PDE4B: variants seen among roughly 807,000 people sequenced by gnomAD.
PDE4B encodes the protein 3',5'-cyclic-AMP phosphodiesterase 4B.
A neutral mutation model predicts 82.2 loss-of-function variants in PDE4B; 20 were observed. The ratio of observed to expected loss-of-function variants is 0.24; its 90% confidence interval spans 0.17 to 0.35. The LOEUF is 0.35. Among genes scored for constraint, PDE4B ranks in the 10% least tolerant of loss-of-function variants. The pLI, the probability that PDE4B is intolerant of heterozygous loss-of-function variation, is 1.00. For missense variants in PDE4B, 655 were observed against 907.2 expected, an observed-to-expected ratio of 0.72 and a Z score of 3.57; for synonymous variants, 320 against 318.9, an observed-to-expected ratio of 1.00 and a Z score of -0.04.
chr1:66,262,580 G>A (rs556297988), intron 6 of PDE4B, among the ~76,000 whole-genome samples: 3 of 152,226 alleles, frequency 2.0e-5, no homozygotes, highest in Admixed American at 6.5e-5. Flanking sequence ...CATAAGTTAC[G>A]GACTTTGGAA....
intron 1 of PDE4B, among the ~76,000 whole-genome samples, chr1:65,852,891 A>G (rs1187023519): frequency 1.2e-4 from 18 of 152,204 alleles, no homozygotes; most frequent in Non-Finnish European, 1.0e-4. Context: ...TATAAATGTC[A>G]ATTGGGTAAA....
intron 3 of PDE4B, among the ~76,000 whole-genome samples, chr1:65,939,291 G>C (rs546290990): frequency 6.6e-6 from 1 of 152,130 alleles, no homozygotes; most frequent in East Asian, 1.9e-4. Flanking sequence ...GCTATACTAG[G>C]TTCTGGCCAA....
chr1:65,979,833 G>A (rs12564578), intron 3 of PDE4B, among the ~76,000 whole-genome samples: 41,335 of 152,114 alleles, frequency 0.27, 5,898 homozygotes, highest in East Asian at 0.45. Flanking sequence ...AAAGGTCTCT[G>A]TTGTTTCAGG....
intron 3 of PDE4B, among the ~76,000 whole-genome samples, chr1:66,020,528 A>G (rs1653039464): frequency 6.7e-6 from 1 of 150,028 alleles, no homozygotes; most frequent in Non-Finnish European, 1.5e-5. Flanking sequence ...AAGTGTTCTC[A>G]TTGTTCAATT....
At chr1:66,248,382 G>A (rs908597984) in intron 4 of PDE4B, among the ~76,000 whole-genome samples, 9 of 152,002 alleles carry the variant, frequency 5.9e-5, no homozygotes, top group East Asian at 1.9e-4. Flanking sequence ...TATATTATAT[G>A]TCATAAAAGT....
chr1:66,016,600 A>T (rs1392304940), intron 3 of PDE4B, among the ~76,000 whole-genome samples: 1 of 152,202 alleles, frequency 6.6e-6, no homozygotes, highest in Non-Finnish European at 1.5e-5. Flanking sequence ...CCAGTCAGTG[A>T]GAGGAAAAAT....
chr1:66,033,395 T>G (rs1289049079), intron 3 of PDE4B, among the ~76,000 whole-genome samples: 2 of 152,200 alleles, frequency 1.3e-5, no homozygotes, highest in African/African-American at 2.4e-5. Flanking sequence ...TGCCATGTGT[T>G]GCCTGGCTCA....
At chr1:65,961,935 G>GAA (rs1207760946) in intron 3 of PDE4B, among the ~76,000 whole-genome samples, 2 of 152,174 alleles carry the variant, frequency 1.3e-5, no homozygotes, top group African/African-American at 4.8e-5. Context: ...TGAAGAGTCT[G>GAA]TAGCATGCGA....
chr1:65,952,854 T>C (rs1205167060), intron 3 of PDE4B, among the ~76,000 whole-genome samples: 1 of 152,114 alleles, frequency 6.6e-6, no homozygotes, highest in African/African-American at 2.4e-5. Context: ...TTAAGTGAGT[T>C]GGTGAATGGA....
At chr1:65,850,480 C>T (rs1646319302) in intron 1 of PDE4B, among the ~76,000 whole-genome samples, 1 of 152,116 alleles carries the variant, frequency 6.6e-6, no homozygotes, top group Non-Finnish European at 1.5e-5. Flanking sequence ...GAGTTTGATG[C>T]AATATCACTT....
chr1:66,010,898 A>C (rs1652446706), intron 3 of PDE4B, among the ~76,000 whole-genome samples: 2 of 150,840 alleles, frequency 1.3e-5, no homozygotes, highest in African/African-American at 4.9e-5. Context: ...TGATGTCAAA[A>C]AGTCTCACAG....
chr1:66,107,346 C>T (rs1278232996), intron 3 of PDE4B, among the ~76,000 whole-genome samples: 2 of 151,910 alleles, frequency 1.3e-5, no homozygotes, highest in African/African-American at 4.8e-5. Flanking sequence ...ATTTTCAGTG[C>T]ACACCTGAAT....
intron 7 of PDE4B, among the ~76,000 whole-genome samples, chr1:66,270,343 T>C (rs567461410): frequency 6.6e-6 from 1 of 152,338 alleles, no homozygotes; most frequent in African/African-American, 2.4e-5. Flanking sequence ...TATTTCTCCA[T>C]ACAGGTTCTG....
At chr1:66,188,657 C>G (rs531424110) in intron 3 of PDE4B, among the ~76,000 whole-genome samples, 1 of 151,652 alleles carries the variant, frequency 6.6e-6, no homozygotes, top group African/African-American at 2.4e-5. Flanking sequence ...AGGATTGCAA[C>G]CCCTGCCTTT....
intron 3 of PDE4B, among the ~76,000 whole-genome samples, chr1:66,193,888 A>C (rs1648039259): frequency 6.6e-6 from 1 of 152,014 alleles, no homozygotes; most frequent in Non-Finnish European, 1.5e-5. Flanking sequence ...TTGGGAAGCC[A>C]TCTAGTTCAC....
chr1:66,005,051 G>A (rs935668101), intron 3 of PDE4B, among the ~76,000 whole-genome samples: 1 of 151,984 alleles, frequency 6.6e-6, no homozygotes, highest in African/African-American at 2.4e-5. Context: ...GAAAGTAAGG[G>A]TACTCCATCA....
chr1:66,106,938 T>C (rs1321131716), intron 3 of PDE4B, among the ~76,000 whole-genome samples: 4 of 145,292 alleles, frequency 2.8e-5, no homozygotes, highest in Non-Finnish European at 6.1e-5. Context: ...CTCTATTTCC[T>C]TCAGTTCTGC....
chr1:66,134,269 C>T (rs1646010859), intron 3 of PDE4B, among the ~76,000 whole-genome samples: 1 of 152,248 alleles, frequency 6.6e-6, no homozygotes, highest in Admixed American at 6.5e-5. Flanking sequence ...TTGAATAAAC[C>T]AAAGCAATTA....
At chr1:65,993,134 T>G (rs757605132) in intron 3 of PDE4B, 1 of 1,611,810 alleles carries the variant, frequency 6.2e-7, no homozygotes, top group Non-Finnish European at 8.5e-7. Context: ...TCACTGTGGC[T>G]CATACATGGT....
Sources: allele counts gnomAD v4.1 joint callset (sites outside exome capture counted in the v4.1 genomes callset), GRCh38; gene constraint gnomAD v4.1.1; transcripts MANE v1.5; gene names NCBI Gene and HGNC (gene_info 2026-07-23, HGNC 2026-07-21).